The following AIF1L variants were observed in gnomAD, a reference collection of about 807,000 sequenced individuals.
AIF1L encodes the protein allograft inflammatory factor 1 like.
A neutral mutation model predicts 20.7 loss-of-function variants in AIF1L; 12 were observed. That is an observed-to-expected ratio of 0.58 (90% CI 0.37 to 0.94). AIF1L has a LOEUF of 0.94. AIF1L is among the 40% of genes least tolerant of loss of function. The pLI is 0.01. For missense variants in AIF1L, 173 were observed against 185.3 expected, an observed-to-expected ratio of 0.93 and a Z score of 0.39; for synonymous variants, 76 against 65.1, an observed-to-expected ratio of 1.17 and a Z score of -0.81.
At chr9:131,099,872 G>A (rs933753691) in intron 2 of AIF1L, among the ~76,000 whole-genome samples, 6 of 151,320 alleles carry the variant, frequency 4.0e-5, no homozygotes, top group Admixed American at 1.3e-4. Context: ...GACTACAGGC[G>A]CTTGCCACCA....
Position 131,117,831 on chromosome 9 carries a change from C to T in AIF1L, c.278C>T (p.Ser93Leu), listed in dbSNP as rs756703547. The T allele has an allele frequency of 1.2e-6, 2 of 1,614,146 alleles. No homozygotes were observed. Among genetic ancestry groups the T allele is most frequent in the African/African-American group, 1.3e-5 (1 of 75,042 alleles). ...KTHLEMKKMI[S>L]EVTGGVSDTI... Reference sequence around the variant, plus strand: ...CACCTGGAGATGAAGAAGATGATCTCAGAGGTGACAGGAGGGGTCAGTGAC... The same window carrying T: ...CACCTGGAGATGAAGAAGATGATCTTAGAGGTGACAGGAGGGGTCAGTGAC... Residue 93 changes from serine (S) to leucine (L), a missense_variant, in exon 5 of 6, where the codon TCA becomes TTA. Physicochemically the swap from Ser to Leu is moderately radical, Grantham distance 145. Transcript: ENST00000247291.
rs1312452329 is a variant in AIF1L, at chr9:131,121,096, T to C, written c.*774T>C. 1.4e-6 allele frequency: 1 copy of C among 715,258 alleles called. No homozygotes were observed. Among genetic ancestry groups the C allele is most frequent in the South Asian group, 1.5e-5 (1 of 66,820 alleles). The allele number at this position is 715,258 out of a possible 1,614,324, so 44.3% of individuals were successfully genotyped here. ...TTTGGGGGAAAGGTCAGCTCAGTGC[T>C]GTTCCACCTTTTAGGGAGGTTACTG... On this transcript the variant is annotated 3_prime_UTR_variant, in exon 6 of 6. Coordinates refer to ENST00000247291, the MANE Select transcript of AIF1L (RefSeq NM_031426.4).
chr9:131,109,898 T>A (rs1830837221), intron 2 of AIF1L, among the ~76,000 whole-genome samples: 1 of 151,980 alleles, frequency 6.6e-6, no homozygotes, highest in South Asian at 2.1e-4. Flanking sequence ...TTTCCTCACC[T>A]GCAAAATGGG....
At position 131,096,883 on chromosome 9, in the gene AIF1L, C is replaced by A. The variant is rs1397173482; in HGVS notation, c.93+20C>A. On this transcript the variant is annotated intron_variant, in intron 2 of 5. Coordinates refer to ENST00000247291, the MANE Select transcript of AIF1L (RefSeq NM_031426.4). ...AACCGGGTAAGCCCCGCGCCCAGGG[C>A]AGCACGCGAGTCCCGAGCCGCGCGC... 3 of 1,522,832 alleles carry A rather than the reference C, an allele frequency of 2.0e-6. No homozygotes were observed. In the South Asian group the frequency reaches 3.7e-5, roughly 19 times the overall value. The allele number at this position is 1,522,832 out of a possible 1,614,324, so 94.3% of individuals were successfully genotyped here.
At position 131,122,058 on chromosome 9, in the gene AIF1L, C is replaced by G. The variant is rs1015180631; in HGVS notation, c.*1736C>G. On this transcript the variant is annotated 3_prime_UTR_variant, in exon 6 of 6. Coordinates refer to ENST00000247291, the MANE Select transcript of AIF1L (RefSeq NM_031426.4). ...TAGGAAAGTGAGACCCAGACAATGA[C>G]AATGAGATAAATGTTAGGAAGGGGG... 4.6e-5 allele frequency: 7 copies of G among 152,212 alleles called. No homozygotes were observed. The highest frequency in any genetic ancestry group is 2.6e-4 in the Admixed American group (4 of 15,274). The allele number at this position is 152,212 out of a possible 1,614,324, so 9.4% of individuals were successfully genotyped here. A position where few individuals can be genotyped will look rare whatever the true frequency, so the allele number is the denominator to read the frequency against.
Position 131,120,283 on chromosome 9 carries a change from T to C in AIF1L, c.414T>C (p.Val138=), listed in dbSNP as rs759416120. 3.7e-6 allele frequency: 6 copies of C among 1,613,686 alleles called. No homozygotes were observed. The highest frequency in any genetic ancestry group is 5.1e-6 in the Non-Finnish European group (6 of 1,179,944). ...GKANESSPKP[V]GPPPERDIAS... ...CCAACGAGAGCAGCCCCAAGCCAGT[T>C]GGCCCCCCTCCAGAGAGAGACATTG... Residue 138 remains valine (V), a synonymous_variant, in exon 6 of 6, where the codon GTT becomes GTC. Coordinates refer to ENST00000247291, the MANE Select transcript of AIF1L (RefSeq NM_031426.4).
chr9:131,111,603 C>G lies in AIF1L; in HGVS notation c.100C>G (p.Leu34Val), dbSNP rs1262944840. Residue 34 changes from leucine to valine, a missense_variant, in exon 3 of 6, where the codon CTG (leucine) becomes GTG (valine). Coordinates refer to ENST00000247291, the MANE Select transcript of AIF1L (RefSeq NM_031426.4). ...TGTCCTCTCACCTCTGTAGGAGTTT[C>G]TGTGTGACCAGAAGTACAGTGATGA... Reference protein sequence around the residue: ...RRLAEINREFLCDQKYSDEEN... With the variant: ...RRLAEINREFVCDQKYSDEEN... 2 of 1,613,976 alleles carry G rather than the reference C, an allele frequency of 1.2e-6. No homozygotes were observed. The highest frequency in any genetic ancestry group is 1.7e-5 in the Admixed American group (1 of 60,018).
At chr9:131,096,694 C>A in intron 1 of AIF1L, 34 bp downstream of exon 1, 1 of 1,450,766 alleles carries the variant, frequency 6.9e-7, no homozygotes, top group Non-Finnish European at 9.0e-7. Flanking sequence ...GCCACCTGTG[C>A]GCGCCGGGCG....
At chr9:131,117,287 A>T (rs1192642954) in intron 4 of AIF1L, among the ~76,000 whole-genome samples, 3 of 151,988 alleles carry the variant, frequency 2.0e-5, no homozygotes, top group South Asian at 4.2e-4. Context: ...TCAATGCCTG[A>T]CTTCCTGACC....
chr9:131,107,085 C>G (rs1830770034), intron 2 of AIF1L, among the ~76,000 whole-genome samples: 2 of 152,188 alleles, frequency 1.3e-5, no homozygotes, highest in South Asian at 4.1e-4. Flanking sequence ...GAGTGAGACT[C>G]CGTCCCAAAA....
At chr9:131,110,487 G>A (rs1431699890) in intron 2 of AIF1L, among the ~76,000 whole-genome samples, 1 of 150,644 alleles carries the variant, frequency 6.6e-6, no homozygotes, top group Non-Finnish European at 1.5e-5. Context: ...CACTCTCACT[G>A]GATTTCTTTT....
rs148624237 is a variant in AIF1L at position 131,097,677 on chromosome 9, G to T, written c.93+814G>T. On this transcript the variant is annotated intron_variant, in intron 2 of 5. Coordinates refer to ENST00000247291, the MANE Select transcript of AIF1L (RefSeq NM_031426.4). ...AAGATATCAGGACCTGTCTGGGTTG[G>T]CCAAAGCTCAAAGGCAGCACAGCCA... Among the ~76,000 whole-genome samples the T allele has an allele frequency of 1.3e-3, 193 of 152,338 alleles. 1 individual carries two copies. Among genetic ancestry groups the T allele is most frequent in the Non-Finnish European group, 2.1e-3 (141 of 68,034 alleles).
chr9:131,116,762 T>C (rs1831022464), intron 4 of AIF1L, among the ~76,000 whole-genome samples: 1 of 152,244 alleles, frequency 6.6e-6, no homozygotes, highest in Non-Finnish European at 1.5e-5. Flanking sequence ...AAGGGGACAC[T>C]GGGTCAAAGG....
intron 3 of AIF1L, chr9:131,111,884 C>G (rs1830897092): frequency 1.8e-6 from 1 of 570,134 alleles, no homozygotes; most frequent in South Asian, 2.0e-5. Context: ...TCACCCCTCG[C>G]CTGCAGCCCG....
chr9:131,121,267 C>G lies in AIF1L; in HGVS notation c.*945C>G. On this transcript the variant is annotated 3_prime_UTR_variant, in exon 6 of 6. Coordinates refer to ENST00000247291, the MANE Select transcript of AIF1L (RefSeq NM_031426.4). The stretch of plus-strand genomic sequence containing the variant: ...CTGCTTCTCTCATTTGTCTTCCTAC[C>G]CTACTCACATAATTCACTCATTGAC... 1.7e-6 allele frequency: 1 copy of G among 603,402 alleles called. No homozygotes were observed. The highest frequency in any genetic ancestry group is 2.8e-5 in the East Asian group (1 of 35,238). The allele number at this position is 603,402 out of a possible 1,614,324, so 37.4% of individuals were successfully genotyped here. A position where few individuals can be genotyped will look rare whatever the true frequency, so the allele number is the denominator to read the frequency against.
intron 2 of AIF1L, 82 bp downstream of exon 2, chr9:131,096,945 C>T: frequency 1.4e-6 from 2 of 1,404,480 alleles, no homozygotes; most frequent in Non-Finnish European, 1.9e-6. Context: ...GAGGCCGTGC[C>T]CGCCTCCAGA....
chr9:131,116,577 A>C (rs987517883), intron 4 of AIF1L, among the ~76,000 whole-genome samples: 2 of 152,176 alleles, frequency 1.3e-5, no homozygotes, highest in Admixed American at 1.3e-4. Flanking sequence ...TTTCTTTTGA[A>C]ATATAGTTAA....
At chr9:131,099,032 C>A (rs907225308) in intron 2 of AIF1L, among the ~76,000 whole-genome samples, 1 of 152,232 alleles carries the variant, frequency 6.6e-6, no homozygotes, top group Non-Finnish European at 1.5e-5. Context: ...GAGGTACCCA[C>A]AAGCACTGAT....
Position 131,121,201 on chromosome 9 carries a change from C to A in AIF1L, c.*879C>A. 1.4e-6 allele frequency: 1 copy of A among 689,972 alleles called. No individual in the cohort carries two copies. Among genetic ancestry groups the A allele is most frequent in the Non-Finnish European group, 2.7e-6 (1 of 371,022 alleles). 42.7% of individuals were successfully genotyped at this position (689,972 alleles called of 1,614,324 possible). Reference sequence around the variant, plus strand: ...ACTGGTAAGCCAAGACTGAGAAATACAAGGTTGCTTGTCTGACCCCAATCT... The same window carrying A: ...ACTGGTAAGCCAAGACTGAGAAATAAAAGGTTGCTTGTCTGACCCCAATCT... On this transcript the variant is annotated 3_prime_UTR_variant, in exon 6 of 6. Coordinates refer to ENST00000247291, the MANE Select transcript of AIF1L (RefSeq NM_031426.4).
Sources: gnomAD v4.1 joint callset for allele counts (sites outside exome capture counted in the v4.1 genomes callset) on GRCh38, gnomAD v4.1.1 for gene constraint, MANE v1.5 for transcripts, NCBI Gene and HGNC (gene_info 2026-07-23, HGNC 2026-07-21) for gene names.